Variants in MUC6 observed in about 807,000 individuals in gnomAD.
The protein encoded by MUC6 is mucin-6.
In MUC6, 188 loss-of-function variants were observed where a neutral mutation model predicts 201.5. The ratio of observed to expected loss-of-function variants is 0.93; its 90% CI spans 0.83 to 1.05. MUC6 has a LOEUF of 1.05. MUC6 is among the 50% of genes least tolerant of loss of function. The probability of loss-of-function intolerance (pLI) is 0.00; values close to 1 mark genes in which losing one functional copy is unlikely to be tolerated. For synonymous variants in MUC6, 1,228 were observed against 1,389.4 expected, an observed-to-expected ratio of 0.88 and a Z score of 2.58; for missense variants, 2,706 against 3,256.9, an observed-to-expected ratio of 0.83 and a Z score of 4.12.
chr11:1,028,741 A>T lies in MUC6; in HGVS notation c.1496T>A (p.Met499Lys). ...VFRQTSTHLQ[M>K]ATSFGLELVV... ...GAGCTCCAGCCCGAAGCTGGTGGCC[A>T]TCTGGAGGTGGGTGGACGTCTGCCT... Residue 499 changes from methionine (M) to lysine (K), a missense_variant, in exon 13 of 33, where the codon ATG (methionine) becomes AAG (lysine). Physicochemically the swap from Met to Lys is moderately conservative, Grantham distance 95. Transcript: ENST00000421673. 1 of 1,612,506 alleles carries T rather than the reference A, an allele frequency of 6.2e-7. No homozygotes were observed. The highest frequency in any genetic ancestry group is 8.5e-7 in the Non-Finnish European group (1 of 1,179,800).
At chr11:1,029,952 C>T (rs1034401434) in intron 8 of MUC6, among the ~76,000 whole-genome samples, 4 of 152,244 alleles carry the variant, frequency 2.6e-5, no homozygotes, top group African/African-American at 9.6e-5. Flanking sequence ...TCAAACCCTG[C>T]CTTCCCTCGG....
Position 1,031,903 on chromosome 11 carries a change from C to G in MUC6, c.266G>C (p.Gly89Ala). 1 of 1,613,266 alleles carries G rather than the reference C, an allele frequency of 6.2e-7. No homozygotes were observed. The highest frequency in any genetic ancestry group is 1.1e-5 in the South Asian group (1 of 91,078). Residue 89 changes from glycine (G) to alanine (A), a missense_variant, in exon 3 of 33, where the codon GGC becomes GCC. Coordinates refer to ENST00000421673, the MANE Select transcript of MUC6 (RefSeq NM_005961.3). ...GATCCGCGAGATGCTCCCGTCTGGG[C>G]CTCGCCGCAGCTGGACACTGAAGGT... ...FPTFSVQLRR[G>A]PDGSISRIIV...
intron 30 of MUC6, 61 bp from the exon 31 acceptor site, chr11:1,018,831 T>C (rs1361174983): frequency 2.0e-6 from 3 of 1,514,406 alleles, no homozygotes; most frequent in Non-Finnish European, 1.8e-6. Context: ...TGACCTCCGC[T>C]GGCCCGTCCT....
Position 1,027,565 on chromosome 11 carries a change from G to A in MUC6, c.1982-48C>T, listed in dbSNP as rs774328801. 1.9e-6 allele frequency: 3 copies of A among 1,604,072 alleles called. No homozygotes were observed. The Admixed American group carries it at 5.1e-5, about 27-fold the overall frequency. The stretch of plus-strand genomic sequence containing the variant: ...ACTCTCCGGGAGGGGGCGGCCGGGA[G>A]GGCAATCTCGGGTTCCCCTGCCTGC... On this transcript the variant is annotated intron_variant, in intron 16 of 32. Transcript: ENST00000421673.
rs765710346 is a variant in MUC6 at position 1,013,955 on chromosome 11, C to T, written c.7086G>A (p.Gly2362=). 2 of 1,609,582 alleles carry T rather than the reference C, an allele frequency of 1.2e-6. No individual in the cohort carries two copies. The highest frequency in any genetic ancestry group is 8.5e-7 in the Non-Finnish European group (1 of 1,178,586). ...REQQEEITFK[G]CMANVTVTRC... Reference sequence around the variant, plus strand: ...GGGTTACCGTCACGTTCGCCATGCACCCCTTGAACGTGATCTCCTCCTGCT... The same window carrying T: ...GGGTTACCGTCACGTTCGCCATGCATCCCTTGAACGTGATCTCCTCCTGCT... Residue 2362 remains glycine, a synonymous_variant, in exon 32 of 33, where the codon GGG becomes GGA. Transcript: ENST00000421673.
chr11:1,031,552 A>C lies in MUC6; in HGVS notation c.483+55T>G. On this transcript the variant is annotated intron_variant, in intron 4 of 32. Transcript: ENST00000421673. ...AGGAGGGCAGCCCCTCCCAAGTCCC[A>C]CCTGCCCCCCCGTGCTGCGGGTCTC... The C allele has an allele frequency of 2.0e-6, 3 of 1,531,450 alleles. No individual in the cohort carries two copies. The South Asian group carries it at 3.6e-5, about 18-fold the overall frequency. The allele number at this position is 1,531,450 out of a possible 1,614,324, so 94.9% of individuals were successfully genotyped here.
intron 30 of MUC6, among the ~76,000 whole-genome samples, chr11:1,018,997 G>A (rs544283274): frequency 3.4e-4 from 51 of 152,204 alleles, no homozygotes; most frequent in Middle Eastern, 6.8e-3. Context: ...TGCAGCTGCC[G>A]CTCTGTGACT....
chr11:1,028,583 C>T (rs527956368), intron 13 of MUC6, 63 bp downstream of exon 13: 2 of 1,576,184 alleles, frequency 1.3e-6, no homozygotes, highest in African/African-American at 2.7e-5. Context: ...TTCTCCTCCC[C>T]TGGTCATGGC....
At chr11:1,034,070 G>C (rs1016532076) in intron 1 of MUC6, among the ~76,000 whole-genome samples, 2 of 152,176 alleles carry the variant, frequency 1.3e-5, no homozygotes, top group Non-Finnish European at 2.9e-5. Flanking sequence ...CTGGACACCT[G>C]TGTCTCCGGT....
At chr11:1,015,200 G>A (rs1322099088) in intron 31 of MUC6, among the ~76,000 whole-genome samples, 7 of 121,462 alleles carry the variant, frequency 5.8e-5, no homozygotes, top group South Asian at 3.1e-4. Context: ...CAGTGGACTC[G>A]CTCACAGGCA....
chr11:1,035,222 G>A (rs1370234503), intron 1 of MUC6, among the ~76,000 whole-genome samples: 3 of 152,196 alleles, frequency 2.0e-5, no homozygotes, highest in Non-Finnish European at 4.4e-5. Context: ...TGGGGTGACG[G>A]GTGGACACCC....
chr11:1,033,508 C>G lies in MUC6; in HGVS notation c.53-433G>C, dbSNP rs1857157201. On this transcript the variant is annotated intron_variant, in intron 1 of 32. Coordinates refer to ENST00000421673, the MANE Select transcript of MUC6 (RefSeq NM_005961.3). The surrounding 1 kb of genome is among the most constrained non-coding windows in gnomAD (Gnocchi z 5.6). ...GCCTGGTTTCCCTGAGGGGTCTGCG[C>G]CAAGGCCCCACAGCCGGTTCTCCCT... Among the ~76,000 whole-genome samples, 1 of 152,048 alleles carries G rather than the reference C, an allele frequency of 6.6e-6. No homozygotes were observed. Among genetic ancestry groups the G allele is most frequent in the Admixed American group, 6.5e-5 (1 of 15,286 alleles).
chr11:1,025,329 G>A lies in MUC6; in HGVS notation c.2838C>T (p.Val946=). ...SVVLADRNYT[V]TGEEPHVQLG... ...GCTGCACGTGGGGCTCCTCCCCGGT[G>A]ACCGTGTAGTTTCTGTCCGCCAGCA... Residue 946 remains valine, a synonymous_variant, in exon 23 of 33, where the codon GTC becomes GTT. Coordinates refer to ENST00000421673, the MANE Select transcript of MUC6 (RefSeq NM_005961.3). 7 of 1,611,968 alleles carry A rather than the reference G, an allele frequency of 4.3e-6. No individual in the cohort carries two copies. The highest frequency in any genetic ancestry group is 5.9e-6 in the Non-Finnish European group (7 of 1,179,348).
chr11:1,021,047 T>C (rs900160122), intron 27 of MUC6, among the ~76,000 whole-genome samples, 168 bp downstream of exon 27: 1 of 152,166 alleles, frequency 6.6e-6, no homozygotes, highest in Non-Finnish European at 1.5e-5. Flanking sequence ...GGAGGCTGCC[T>C]GAGTCTCTGG....
At chr11:1,019,250 G>A (rs369527049) in intron 30 of MUC6, 25 bp downstream of exon 30, 1 of 1,610,220 alleles carries the variant, frequency 6.2e-7, no homozygotes, top group Non-Finnish European at 8.5e-7. Context: ...CGGCAGTGCT[G>A]GCATCCCATG....
In MUC6 at chr11:1,023,614, C is replaced by T. The variant is rs374584808; in HGVS notation, c.3421G>A (p.Gly1141Ser). 6.0e-5 allele frequency: 96 copies of T among 1,612,948 alleles called. No homozygotes were observed. The highest frequency in any genetic ancestry group is 5.2e-4 in the Admixed American group (31 of 59,982). Reference protein sequence around the residue: ...CGFYNTHTQDGHGEYQYTQEA... With the variant: ...CGFYNTHTQDSHGEYQYTQEA... Reference sequence around the variant, plus strand: ...TGTGTGTACTGGTACTCGCCATGGCCGTCCTGCGTGTGCGTGTTGTAGAAG... The same window carrying T: ...TGTGTGTACTGGTACTCGCCATGGCTGTCCTGCGTGTGCGTGTTGTAGAAG... The change falls in exon 26 of 33, where the codon GGC becomes AGC. Residue 1141 changes from glycine (G) to serine (S), a missense_variant. Physicochemically the swap from Gly to Ser is moderately conservative, Grantham distance 56. Transcript: ENST00000421673.
At position 1,020,199 on chromosome 11, in the gene MUC6, G is replaced by A; in HGVS notation, c.3699C>T (p.Leu1233=). ...AGCTGGGTGAGGGTCCGGTGGAGCT[G>A]AGAAGCCCGATGGTGGTGGAGGTTC... is the stretch of plus-strand genomic sequence containing the variant. ...MTGTSTTIGL[L]SSTGPSPSSN... is the part of the protein sequence containing the mutation. Residue 1233 remains leucine, a synonymous_variant, in exon 29 of 33, where the codon CTC becomes CTT. Transcript: ENST00000421673. 1 of 1,611,842 alleles carries A rather than the reference G, an allele frequency of 6.2e-7. No homozygotes were observed. Among genetic ancestry groups the A allele is most frequent in the East Asian group, 2.2e-5 (1 of 44,868 alleles).
chr11:1,028,842 C>T (rs1024697597), intron 12 of MUC6, 47 bp downstream of exon 12: 2 of 1,609,712 alleles, frequency 1.2e-6, no homozygotes, highest in African/African-American at 1.3e-5. Context: ...CTGCAGCCCG[C>T]CCCGAAGGCA....
Position 1,028,022 on chromosome 11 carries a change from C to A in MUC6, c.1791G>T (p.Arg597Ser). The A allele has an allele frequency of 6.3e-7, 1 of 1,585,588 alleles. No individual in the cohort carries two copies. Reference protein sequence around the residue: ...CAETHCSMLLRTGTVFERCHA... With the variant: ...CAETHCSMLLSTGTVFERCHA... ...GGCACCTCTCGAACACCGTGCCTGT[C>A]CTCAGCAGCATGGAGCAGTGGGTCT... The change falls in exon 15 of 33, where the codon AGG becomes AGT. Residue 597 changes from arginine to serine, a missense_variant. By Grantham distance (110) the Arg-to-Ser change is moderately radical. Transcript: ENST00000421673.
Sources: allele counts gnomAD v4.1 joint callset (sites outside exome capture counted in the v4.1 genomes callset), GRCh38; gene constraint gnomAD v4.1.1; non-coding constraint Gnocchi (gnomAD v3.1); transcripts MANE v1.5; gene names NCBI Gene and HGNC (gene_info 2026-07-23, HGNC 2026-07-21).